The following POU2F1 variants were observed in gnomAD, a reference collection of about 807,000 sequenced individuals.
The protein encoded by POU2F1 is POU class 2 homeobox 1.
Under a neutral mutation model 84.9 loss-of-function variants are expected in POU2F1, and 16 were observed. The ratio of observed to expected loss-of-function variants is 0.19; its 90% CI spans 0.13 to 0.29. The LOEUF (loss-of-function observed/expected upper bound fraction) is 0.29. Ranked by LOEUF, POU2F1 falls within the 10% of genes least tolerant of loss-of-function variation. The pLI, the probability that POU2F1 is intolerant of heterozygous loss-of-function variation, is 1.00. For missense variants in POU2F1, 738 were observed against 942.6 expected (o/e 0.78, Z 2.84); for synonymous variants, 368 against 368.3 (o/e 1.00, Z 0.01).
At chr1:167,388,733 T>G (rs1648170433) in intron 8 of POU2F1, among the ~76,000 whole-genome samples, 1 of 152,138 alleles carries the variant, frequency 6.6e-6, no homozygotes, top group Non-Finnish European at 1.5e-5. Flanking sequence ...TCTTTAAAAG[T>G]CCTCGGTTAG....
intron 2 of POU2F1, among the ~76,000 whole-genome samples, chr1:167,363,498 A>G (rs948391846): frequency 6.6e-6 from 1 of 152,226 alleles, no homozygotes; most frequent in Non-Finnish European, 1.5e-5. Flanking sequence ...TAATGACAAA[A>G]CGCATGACTT....
At chr1:167,263,559 A>G (rs1324469945) in intron 1 of POU2F1, among the ~76,000 whole-genome samples, 2 of 151,942 alleles carry the variant, frequency 1.3e-5, no homozygotes, top group Non-Finnish European at 2.9e-5. Context: ...CTTCTAATTC[A>G]GATTTTTGCA....
At chr1:167,414,854 C>T in intron 15 of POU2F1, 1 of 607,348 alleles carries the variant, frequency 1.6e-6, no homozygotes, top group South Asian at 7.3e-5. Context: ...AGCCTTTTTG[C>T]AAGATGATTT....
chr1:167,332,397 A>G (rs1657132016), intron 1 of POU2F1, 73 bp from the exon 2 acceptor site: 1 of 1,135,080 alleles, frequency 8.8e-7, no homozygotes, highest in Non-Finnish European at 1.3e-6. Context: ...TTTCTCTGCC[A>G]CAGTTTTGCC....
chr1:167,322,836 A>G (rs1656419220), intron 1 of POU2F1, among the ~76,000 whole-genome samples: 1 of 152,246 alleles, frequency 6.6e-6, no homozygotes, highest in African/African-American at 2.4e-5. Context: ...CTGGCTGGTT[A>G]TCTGCAGCAG....
intron 1 of POU2F1, among the ~76,000 whole-genome samples, chr1:167,303,085 C>G (rs1321609241): frequency 2.0e-5 from 3 of 151,814 alleles, no homozygotes; most frequent in Non-Finnish European, 4.4e-5. Flanking sequence ...ATATATAAAG[C>G]CAGTAGATAC....
intron 1 of POU2F1, among the ~76,000 whole-genome samples, chr1:167,224,757 G>A (rs565695419): frequency 6.6e-6 from 1 of 151,340 alleles, no homozygotes; most frequent in South Asian, 2.1e-4. Context: ...TTTATAACCT[G>A]CCTGTCTCCT....
chr1:167,350,374 T>C (rs1658474118), intron 2 of POU2F1, among the ~76,000 whole-genome samples: 1 of 152,242 alleles, frequency 6.6e-6, no homozygotes, highest in African/African-American at 2.4e-5. Context: ...AACTCAGTTC[T>C]CTGCAACCAA....
At chr1:167,394,650 A>G (rs1415832421) in intron 9 of POU2F1, among the ~76,000 whole-genome samples, 1 of 152,130 alleles carries the variant, frequency 6.6e-6, no homozygotes, top group East Asian at 1.9e-4. Context: ...TTTTTAATTT[A>G]TTGGGTTTTA....
At chr1:167,358,400 G>C (rs1328285546) in intron 2 of POU2F1, among the ~76,000 whole-genome samples, 4 of 151,886 alleles carry the variant, frequency 2.6e-5, no homozygotes, top group Non-Finnish European at 5.9e-5. Flanking sequence ...GGTTATGCTG[G>C]TCTCATAAAA....
intron 1 of POU2F1, among the ~76,000 whole-genome samples, chr1:167,224,825 CTTTT>C (rs774351969): frequency 9.8e-5 from 12 of 122,214 alleles, no homozygotes; most frequent in Non-Finnish European, 1.7e-4. Flanking sequence ...TCACTGTCTT[CTTTT>C]TTTTTTTTTT....
At chr1:167,391,747 A>G (rs6672602) in intron 9 of POU2F1, among the ~76,000 whole-genome samples, 150,732 of 150,896 alleles carry the variant, frequency 1, 75,285 homozygotes, top group East Asian at 1. Context: ...TTGTAGAGAC[A>G]AGGTCTTGTC....
intron 1 of POU2F1, among the ~76,000 whole-genome samples, chr1:167,322,426 A>C (rs1402874315): frequency 7.2e-5 from 11 of 152,240 alleles, no homozygotes; most frequent in Admixed American, 6.5e-4. Flanking sequence ...TAATCCTACC[A>C]TCCTCACTGG....
At chr1:167,353,448 A>G (rs1355331823) in intron 2 of POU2F1, among the ~76,000 whole-genome samples, 1 of 150,138 alleles carries the variant, frequency 6.7e-6, no homozygotes, top group Non-Finnish European at 1.5e-5. Context: ...TTTCTGCCCT[A>G]TCTTTCAACC....
intron 1 of POU2F1, among the ~76,000 whole-genome samples, chr1:167,298,533 A>T (rs1654442651): frequency 2.0e-5 from 3 of 152,290 alleles, no homozygotes; most frequent in African/African-American, 4.8e-5. Flanking sequence ...CGTAAAATAG[A>T]TTACAAAATA....
chr1:167,264,979 C>T (rs984711276), intron 1 of POU2F1, among the ~76,000 whole-genome samples: 1 of 152,164 alleles, frequency 6.6e-6, no homozygotes. Flanking sequence ...TCCTAACCTC[C>T]TTCAGGTCTT....
intron 2 of POU2F1, among the ~76,000 whole-genome samples, chr1:167,363,220 A>G (rs1659459532): frequency 6.6e-6 from 1 of 151,838 alleles, no homozygotes; most frequent in Non-Finnish European, 1.5e-5. Flanking sequence ...ATTTTCACAA[A>G]CTCCATGAGA....
rs34046421 is a variant in POU2F1, at chr1:167,376,346, G to C, written c.718+191G>C. 9.8e-3 allele frequency among the ~76,000 whole-genome samples: 1,485 copies of C among 152,284 alleles called. 11 individuals are homozygous for C. The highest frequency in any genetic ancestry group is 0.013 in the Non-Finnish European group (912 of 68,022). On this transcript the variant is annotated intron_variant, in intron 7 of 15. Transcript: ENST00000367866. ...TGTCATAAATACCACATTATTGAAG[G>C]TTGCCCTGAACTGCCATTCATCTGC... is the stretch of plus-strand genomic sequence containing the variant.
intron 2 of POU2F1, among the ~76,000 whole-genome samples, chr1:167,339,200 CCAT>C (rs989594553): frequency 1.3e-5 from 2 of 152,118 alleles, no homozygotes; most frequent in African/African-American, 4.8e-5. Context: ...AACCCTGCTT[CCAT>C]CATCATATTT....
Sources: gnomAD v4.1 joint callset for allele counts (sites outside exome capture counted in the v4.1 genomes callset) on GRCh38, gnomAD v4.1.1 for gene constraint, MANE v1.5 for transcripts, NCBI Gene and HGNC (gene_info 2026-07-23, HGNC 2026-07-21) for gene names.